PPP3CA: variants seen among roughly 807,000 people sequenced by gnomAD.
PPP3CA encodes protein phosphatase 3 catalytic subunit alpha, also known as CAM-PRP catalytic subunit.
A neutral mutation model predicts 66.5 loss-of-function variants in PPP3CA; 14 were observed. That is an observed-to-expected ratio of 0.21 (90% CI 0.14 to 0.33). The LOEUF is 0.33. Ranked by LOEUF, PPP3CA falls within the 10% of genes least tolerant of loss-of-function variation. The probability of loss-of-function intolerance (pLI) is 1.00; values close to 1 mark genes in which losing one functional copy is unlikely to be tolerated. For missense variants in PPP3CA, 317 were observed against 639.5 expected, an observed-to-expected ratio of 0.50 and a Z score of 5.44; for synonymous variants, 232 against 226.2, an observed-to-expected ratio of 1.03 and a Z score of -0.23.
Position 101,106,450 on chromosome 4 carries a change from A to AAAGAAAGAAAGAAAGAAGG in PPP3CA, c.384+2503_384+2504insCCTTCTTTCTTTCTTTCTT, listed in dbSNP as rs751759518. Among the ~76,000 whole-genome samples the AAAGAAAGAAAGAAAGAAGG allele has an allele frequency of 3.6e-4, 4 of 11,094 alleles. 1 individual carries two copies. The highest frequency in any genetic ancestry group is 6.9e-4 in the Non-Finnish European group (4 of 5,772). 7.3% of individuals were successfully genotyped at this position (11,094 alleles called of 152,430 possible). Reference sequence around the variant, plus strand: ...GAAAGAAAGAAAGAAAGAAAGAAAGAAAGAGAAAAGAAAAGAAAAGAAAAG... The same window carrying AAAGAAAGAAAGAAAGAAGG: ...GAAAGAAAGAAAGAAAGAAAGAAAGAAAGAAAGAAAGAAAGAAGGAAGAGAAAAGAAAAGAAAAGAAAAG... On this transcript the variant is annotated intron_variant, in intron 3 of 13. Transcript: ENST00000394854.
At chr4:101,204,889 T>C (rs558012052) in intron 1 of PPP3CA, among the ~76,000 whole-genome samples, 1 of 151,308 alleles carries the variant, frequency 6.6e-6, no homozygotes, top group South Asian at 2.1e-4. Flanking sequence ...TATACAAGTC[T>C]ACTCTACAAT....
intron 2 of PPP3CA, among the ~76,000 whole-genome samples, chr4:101,161,276 C>G (rs1188422261): frequency 6.6e-6 from 1 of 152,080 alleles, no homozygotes; most frequent in Non-Finnish European, 1.5e-5. Flanking sequence ...GCAAATGACG[C>G]ATTTCTCAGG....
intron 1 of PPP3CA, 61 bp downstream of exon 1, chr4:101,346,678 G>T (rs1322279728): frequency 1.4e-6 from 2 of 1,467,864 alleles, no homozygotes; most frequent in African/African-American, 1.4e-5. Context: ...GCGAGGCGAG[G>T]CAAGCTGCCC....
At chr4:101,077,106 T>C (rs953833993) in intron 8 of PPP3CA, among the ~76,000 whole-genome samples, 5 of 152,232 alleles carry the variant, frequency 3.3e-5, no homozygotes, top group African/African-American at 1.2e-4. Context: ...ATGTGGGCTA[T>C]ACCAAGAGAT....
intron 1 of PPP3CA, 47 bp from the exon 2 acceptor site, chr4:101,196,163 C>T: frequency 6.5e-7 from 1 of 1,538,800 alleles, no homozygotes; most frequent in African/African-American, 1.4e-5. Context: ...AACTCAACAA[C>T]AAACAATGCA....
chr4:101,116,091 T>TA lies in PPP3CA; in HGVS notation c.260-7014_260-7013insT, dbSNP rs544955390. Among the ~76,000 whole-genome samples the TA allele has an allele frequency of 5.5e-3, 839 of 152,098 alleles. 3 individuals are homozygous for TA. The highest frequency in any genetic ancestry group is 0.013 in the African/African-American group (525 of 41,534). On this transcript the variant is annotated intron_variant, in intron 2 of 13. Transcript: ENST00000394854. Reference sequence around the variant, plus strand: ...TTATTTATTTTTCTATAAAGACCTTTTAGTTTCTCCAAAATACTGGCTTTT... The same window carrying TA: ...TTATTTATTTTTCTATAAAGACCTTTATAGTTTCTCCAAAATACTGGCTTTT...
intron 1 of PPP3CA, among the ~76,000 whole-genome samples, chr4:101,314,744 A>G (rs1238768015): frequency 6.6e-6 from 1 of 152,072 alleles, no homozygotes; most frequent in African/African-American, 2.4e-5. Context: ...TCCCTATGAG[A>G]TATTTTTGAC....
At chr4:101,215,470 A>G (rs1180363837) in intron 1 of PPP3CA, among the ~76,000 whole-genome samples, 1 of 152,060 alleles carries the variant, frequency 6.6e-6, no homozygotes, top group East Asian at 1.9e-4. Context: ...GAATCAAGCG[A>G]AAGTTTTCTA....
chr4:101,229,412 A>G (rs1725887412), intron 1 of PPP3CA, among the ~76,000 whole-genome samples: 1 of 151,688 alleles, frequency 6.6e-6, no homozygotes, highest in Non-Finnish European at 1.5e-5. Flanking sequence ...AAAGAAAGTG[A>G]ATATTCTTCA....
At chr4:101,052,748 G>A (rs571750240) in intron 10 of PPP3CA, among the ~76,000 whole-genome samples, 3 of 152,000 alleles carry the variant, frequency 2.0e-5, no homozygotes, top group African/African-American at 4.8e-5. Context: ...ACTGGTAAAC[G>A]GATGTCCACC....
intron 1 of PPP3CA, among the ~76,000 whole-genome samples, chr4:101,308,714 C>G (rs1728625126): frequency 1.3e-5 from 2 of 152,120 alleles, no homozygotes; most frequent in Non-Finnish European, 2.9e-5. Flanking sequence ...GTGTGAACCA[C>G]CACACCTGGC....
chr4:101,099,553 A>T, intron 4 of PPP3CA, 58 bp downstream of exon 4: 1 of 985,280 alleles, frequency 1.0e-6, no homozygotes, highest in Non-Finnish European at 1.5e-6. Context: ...CTTATTATTG[A>T]TTAAAATTAC....
chr4:101,084,064 T>C (rs1729555763), intron 6 of PPP3CA, among the ~76,000 whole-genome samples: 1 of 152,240 alleles, frequency 6.6e-6, no homozygotes, highest in Non-Finnish European at 1.5e-5. Context: ...ACAGTCATTA[T>C]GTCTCTGCTC....
chr4:101,138,981 C>T (rs1260265744), intron 2 of PPP3CA, among the ~76,000 whole-genome samples: 2 of 152,116 alleles, frequency 1.3e-5, no homozygotes, highest in Non-Finnish European at 2.9e-5. Context: ...AAAACATTCA[C>T]ATATACTATT....
At chr4:101,163,441 T>A (rs1275826102) in intron 2 of PPP3CA, among the ~76,000 whole-genome samples, 1 of 152,170 alleles carries the variant, frequency 6.6e-6, no homozygotes, top group African/African-American at 2.4e-5. Flanking sequence ...AGTTGTGGTA[T>A]TTTTAAAGAG....
At chr4:101,033,293 A>ACACACACAC (rs1727088936) in intron 11 of PPP3CA, among the ~76,000 whole-genome samples, 1 of 139,270 alleles carries the variant, frequency 7.2e-6, no homozygotes, top group Non-Finnish European at 1.6e-5. Flanking sequence ...CACACACACA[A>ACACACACAC]ACACACACAC....
At chr4:101,073,275 C>G (rs1729001770) in intron 8 of PPP3CA, among the ~76,000 whole-genome samples, 1 of 148,472 alleles carries the variant, frequency 6.7e-6, no homozygotes, top group African/African-American at 2.5e-5. Context: ...TACACACTTA[C>G]ATACTTTTTT....
intron 1 of PPP3CA, among the ~76,000 whole-genome samples, chr4:101,253,353 C>T (rs530018040): frequency 6.6e-6 from 1 of 152,222 alleles, no homozygotes; most frequent in African/African-American, 2.4e-5. Context: ...CTGCTCTTTG[C>T]ATAGCTAGTT....
chr4:101,080,313 T>C (rs935781504), intron 8 of PPP3CA, among the ~76,000 whole-genome samples: 2 of 152,152 alleles, frequency 1.3e-5, no homozygotes, highest in African/African-American at 2.4e-5. Flanking sequence ...TAAAATGTCC[T>C]AGAAAACATT....
Sources: gnomAD v4.1 joint callset for allele counts (sites outside exome capture counted in the v4.1 genomes callset) on GRCh38, gnomAD v4.1.1 for gene constraint, MANE v1.5 for transcripts, NCBI Gene and HGNC (gene_info 2026-07-23, HGNC 2026-07-21) for gene names.